Variants in MAPK4 observed in about 807,000 individuals in gnomAD.
The protein encoded by MAPK4 is Erk3-related.
In MAPK4, 22 loss-of-function variants were observed where a neutral mutation model predicts 47.7. That is an observed-to-expected ratio of 0.46 (90% confidence interval 0.33 to 0.66). The LOEUF (loss-of-function observed/expected upper bound fraction) is 0.66. Among genes scored for constraint, MAPK4 ranks in the 30% least tolerant of loss-of-function variants. The pLI is 0.02. For synonymous variants in MAPK4, 390 were observed against 365.7 expected (o/e 1.07, Z -0.76); for missense variants, 736 against 831.7 (o/e 0.88, Z 1.42).
At chr18:50,720,125 T>C (rs1250297581) in intron 3 of MAPK4, among the ~76,000 whole-genome samples, 1 of 152,122 alleles carries the variant, frequency 6.6e-6, no homozygotes, top group Non-Finnish European at 1.5e-5. Context: ...CTTCTCCCAT[T>C]TTCAGTGGTG....
chr18:50,622,495 C>G (rs772361358), intron 1 of MAPK4, among the ~76,000 whole-genome samples: 1 of 152,194 alleles, frequency 6.6e-6, no homozygotes, highest in Non-Finnish European at 1.5e-5. Context: ...CAGGTGACTC[C>G]GTTCAGCCAA....
chr18:50,702,130 C>T (rs905568966), intron 2 of MAPK4, among the ~76,000 whole-genome samples: 1 of 141,536 alleles, frequency 7.1e-6, no homozygotes, highest in African/African-American at 2.7e-5. Context: ...CCACTGCACT[C>T]CAGCCTGGGT....
At chr18:50,602,679 G>A (rs1210021330) in intron 1 of MAPK4, among the ~76,000 whole-genome samples, 2 of 152,160 alleles carry the variant, frequency 1.3e-5, no homozygotes, top group Non-Finnish European at 2.9e-5. Flanking sequence ...ATTAGCATAA[G>A]GTATGTGAGA....
intron 1 of MAPK4, among the ~76,000 whole-genome samples, chr18:50,576,527 C>T (rs2042298692): frequency 6.6e-6 from 1 of 152,292 alleles, no homozygotes; most frequent in East Asian, 1.9e-4. Context: ...AAAATCACCT[C>T]TCAGGTTCTA....
At chr18:50,576,170 C>T (rs1288442826) in intron 1 of MAPK4, among the ~76,000 whole-genome samples, 1 of 152,074 alleles carries the variant, frequency 6.6e-6, no homozygotes, top group African/African-American at 2.4e-5. Flanking sequence ...TTAAATCGCT[C>T]TTCCATAAAA....
At position 50,731,524 on chromosome 18, in the gene MAPK4, T is replaced by C. The variant is rs1421166668; in HGVS notation, c.*1670T>C. On this transcript the variant is annotated 3_prime_UTR_variant, in exon 6 of 6. Transcript: ENST00000400384. The stretch of plus-strand genomic sequence containing the variant: ...AAACCTGCAACACATTAGAAACTTA[T>C]ATTTAAAAACAGAATTAATCACACT... 6.6e-6 allele frequency: 1 copy of C among 152,520 alleles called. No homozygotes were observed. The highest frequency in any genetic ancestry group is 1.5e-5 in the Non-Finnish European group (1 of 68,048). The allele number at this position is 152,520 out of a possible 1,614,324, so 9.4% of individuals were successfully genotyped here. A position where few individuals can be genotyped will look rare whatever the true frequency, so the allele number is the denominator to read the frequency against.
At chr18:50,679,136 C>G (rs542001687) in intron 2 of MAPK4, among the ~76,000 whole-genome samples, 1 of 152,306 alleles carries the variant, frequency 6.6e-6, no homozygotes, top group East Asian at 1.9e-4. Flanking sequence ...CCCGGGAGCA[C>G]AGAATGGCCT....
upstream of MAPK4, among the ~76,000 whole-genome samples, chr18:50,559,667 G>A (rs1404866978): frequency 2.7e-5 from 4 of 150,590 alleles, no homozygotes; most frequent in African/African-American, 9.7e-5. Flanking sequence ...TGGCGGGGCG[G>A]CGACCGGGCT....
At chr18:50,649,586 G>A (rs1208087951) in intron 1 of MAPK4, among the ~76,000 whole-genome samples, 3 of 152,160 alleles carry the variant, frequency 2.0e-5, no homozygotes, top group South Asian at 2.1e-4. Context: ...TGTGTGTTCC[G>A]TAAGGAAGCT....
chr18:50,587,600 G>A (rs1384839719), intron 1 of MAPK4, among the ~76,000 whole-genome samples: 1 of 152,152 alleles, frequency 6.6e-6, no homozygotes, highest in Non-Finnish European at 1.5e-5. Flanking sequence ...CCTCCATGAA[G>A]GTGTGGTAGG....
At chr18:50,693,149 C>CCT (rs1909322475) in intron 2 of MAPK4, among the ~76,000 whole-genome samples, 1 of 152,076 alleles carries the variant, frequency 6.6e-6, no homozygotes, top group Non-Finnish European at 1.5e-5. Flanking sequence ...ATCCCAGCTA[C>CCT]TCAGGAGGCT....
At chr18:50,612,608 G>A (rs982164579) in intron 1 of MAPK4, among the ~76,000 whole-genome samples, 1 of 152,160 alleles carries the variant, frequency 6.6e-6, no homozygotes, top group African/African-American at 2.4e-5. Flanking sequence ...TGCATTCTTG[G>A]ACATTTTTCT....
At chr18:50,638,873 C>G (rs1399939378) in intron 1 of MAPK4, among the ~76,000 whole-genome samples, 2 of 152,198 alleles carry the variant, frequency 1.3e-5, no homozygotes, top group African/African-American at 4.8e-5. Context: ...ATTTGATTAT[C>G]CTGTTCTTCA....
intron 1 of MAPK4, among the ~76,000 whole-genome samples, chr18:50,582,083 G>C (rs572669907): frequency 2.0e-5 from 3 of 152,302 alleles, no homozygotes; most frequent in South Asian, 4.1e-4. Flanking sequence ...CAGTGGGTCT[G>C]TACCCTGGCT....
chr18:50,635,321 T>C (rs1336220546), intron 1 of MAPK4, among the ~76,000 whole-genome samples: 1 of 152,170 alleles, frequency 6.6e-6, no homozygotes, highest in Admixed American at 6.5e-5. Context: ...TCAACTTCAA[T>C]GCCCCCTATC....
chr18:50,716,586 T>C (rs1303011185), intron 3 of MAPK4, among the ~76,000 whole-genome samples: 2 of 152,220 alleles, frequency 1.3e-5, no homozygotes, highest in African/African-American at 2.4e-5. Context: ...CTCCACACGC[T>C]CTGGCTGCAG....
At chr18:50,657,019 C>T (rs781406253) in intron 1 of MAPK4, among the ~76,000 whole-genome samples, 1 of 152,200 alleles carries the variant, frequency 6.6e-6, no homozygotes, top group Non-Finnish European at 1.5e-5. Flanking sequence ...CTCAGCGATG[C>T]CAGCAAGGTC....
At chr18:50,599,437 T>TTATTA (rs1568039975) in intron 1 of MAPK4, among the ~76,000 whole-genome samples, 1 of 151,888 alleles carries the variant, frequency 6.6e-6, no homozygotes, top group African/African-American at 2.4e-5. Context: ...TATTATTATT[T>TTATTA]TGAGACGGAG....
chr18:50,722,506 C>T (rs965457887), intron 4 of MAPK4, among the ~76,000 whole-genome samples: 5 of 152,162 alleles, frequency 3.3e-5, no homozygotes, highest in African/African-American at 7.2e-5. Flanking sequence ...AGGCAAGGAC[C>T]GCCCTTCACT....
Sources: allele counts gnomAD v4.1 joint callset (sites outside exome capture counted in the v4.1 genomes callset), GRCh38; gene constraint gnomAD v4.1.1; transcripts MANE v1.5; gene names NCBI Gene and HGNC (gene_info 2026-07-23, HGNC 2026-07-21).